The following GPHN variants were observed in gnomAD, a reference collection of about 807,000 sequenced individuals.
GPHN encodes gephyrin.
A neutral mutation model predicts 95.5 loss-of-function variants in GPHN; 17 were observed. The observed-to-expected ratio is 0.18, with a 90% CI of 0.12 to 0.27. GPHN has a LOEUF of 0.27. Among genes scored for constraint, GPHN ranks in the 10% least tolerant of loss-of-function variants. The pLI is 1.00. For synonymous variants in GPHN, 320 were observed against 322.5 expected, an observed-to-expected ratio of 0.99 and a Z score of 0.08; for missense variants, 660 against 978.1, an observed-to-expected ratio of 0.67 and a Z score of 4.34.
the GPHN span, among the ~76,000 whole-genome samples, chr14:67,436,647 C>T: frequency 6.6e-6 from 1 of 152,330 alleles, no homozygotes. Flanking sequence ...CACGCCCAGT[C>T]CTTCCACAAG....
intron 1 of GPHN, among the ~76,000 whole-genome samples, chr14:66,515,797 A>G (rs2045419): frequency 0.34 from 51,968 of 152,098 alleles, 13,414 homozygotes; most frequent in African/African-American, 0.7. Flanking sequence ...TGCTAAGTGA[A>G]GGATACAATA....
chr14:66,756,474 C>T (rs1311543382), intron 2 of GPHN, among the ~76,000 whole-genome samples: 1 of 152,058 alleles, frequency 6.6e-6, no homozygotes, highest in East Asian at 1.9e-4. Flanking sequence ...CGAGCATCCT[C>T]TGCATTTTGT....
the GPHN span, chr14:67,690,476 G>GGCCTGCTCACCACGAC: frequency 6.7e-7 from 1 of 1,498,350 alleles, no homozygotes; most frequent in African/African-American, 1.4e-5. Context: ...AATGACAGGA[G>GGCCTGCTCACCACGAC]TCGTGGTGAG....
the GPHN span, among the ~76,000 whole-genome samples, chr14:67,436,538 A>G: frequency 6.6e-6 from 1 of 152,066 alleles, no homozygotes. Flanking sequence ...TTCCATATGG[A>G]GACCAGGCAG....
intron 11 of GPHN, among the ~76,000 whole-genome samples, chr14:67,065,017 A>G (rs112035648): frequency 0.027 from 4,128 of 151,860 alleles, 61 homozygotes; most frequent in Middle Eastern, 0.034. Context: ...TCTTTTAATT[A>G]TGATGTTAGG....
At chr14:66,823,106 A>T (rs1381622724) in intron 3 of GPHN, 3 of 152,296 alleles carry the variant, frequency 2.0e-5, no homozygotes, top group African/African-American at 7.2e-5. Flanking sequence ...GGTTCAAGTG[A>T]TTCTCTTGCC....
chr14:66,793,376 G>A (rs1263252079), intron 3 of GPHN, among the ~76,000 whole-genome samples: 1 of 152,178 alleles, frequency 6.6e-6, no homozygotes, highest in Non-Finnish European at 1.5e-5. Flanking sequence ...ATTGCAGTAA[G>A]TACATAACAC....
chr14:67,424,526 A>C, the GPHN span, among the ~76,000 whole-genome samples: 21 of 151,026 alleles, frequency 1.4e-4, no homozygotes, highest in African/African-American at 4.4e-4. Context: ...TTGAGCCTGG[A>C]AAGTTGAAGC....
the GPHN span, among the ~76,000 whole-genome samples, chr14:67,225,962 T>TGTGC: frequency 0.054 from 6,146 of 113,220 alleles, 193 homozygotes; most frequent in Non-Finnish European, 0.068. Context: ...TGTGTGTGTG[T>TGTGC]GCGCGCGCGC....
the GPHN span, chr14:67,562,326 C>T: frequency 1.2e-6 from 2 of 1,613,952 alleles, no homozygotes; most frequent in Non-Finnish European, 1.7e-6. Flanking sequence ...GTTTCTGAAG[C>T]AGCAAGCCCC....
intron 1 of GPHN, among the ~76,000 whole-genome samples, chr14:66,619,868 C>G (rs1189843436): frequency 6.6e-6 from 1 of 152,098 alleles, no homozygotes; most frequent in Non-Finnish European, 1.5e-5. Flanking sequence ...ACTTATAGTT[C>G]TAGCAGCTTT....
intron 1 of GPHN, among the ~76,000 whole-genome samples, chr14:66,634,686 A>G (rs1595346464): frequency 6.6e-6 from 1 of 152,040 alleles, no homozygotes; most frequent in Non-Finnish European, 1.5e-5. Context: ...TGTGTTGGTG[A>G]CTGGCCAGTC....
At chr14:67,674,297 T>C in the GPHN span, 1 of 1,355,822 alleles carries the variant, frequency 7.4e-7, no homozygotes, top group Non-Finnish European at 9.9e-7. Flanking sequence ...GGCCCGGGTC[T>C]GGGAGGAAGG....
intron 1 of GPHN, among the ~76,000 whole-genome samples, chr14:66,532,383 A>G (rs1023032710): frequency 6.6e-6 from 1 of 152,170 alleles, no homozygotes; most frequent in Non-Finnish European, 1.5e-5. Flanking sequence ...TATAAGAAGT[A>G]TTCTAAGAGC....
intron 18 of GPHN, 65 bp from the exon 19 acceptor site, chr14:67,159,350 T>G: frequency 2.2e-6 from 2 of 914,242 alleles, no homozygotes; most frequent in East Asian, 4.8e-5. Flanking sequence ...TAATGTTCAT[T>G]TAAAGTGTTG....
chr14:67,199,859 C>T, the GPHN span: 8 of 1,492,496 alleles, frequency 5.4e-6, no homozygotes, highest in South Asian at 1.3e-5. Context: ...CCACCTATGC[C>T]TCCTGGGGCT....
chr14:67,425,991 T>C, the GPHN span, among the ~76,000 whole-genome samples: 128 of 151,926 alleles, frequency 8.4e-4, 1 homozygote, highest in Non-Finnish European at 4.4e-5. Context: ...GTGATCCTCC[T>C]GCCTCAGCCT....
chr14:67,279,456 A>G, the GPHN span: 3 of 1,613,004 alleles, frequency 1.9e-6, no homozygotes, highest in East Asian at 4.5e-5. Context: ...AATTCCTCCA[A>G]AGACCGGAAT....
chr14:67,163,433 A>T (rs372011397), intron 19 of GPHN, among the ~76,000 whole-genome samples: 2 of 152,310 alleles, frequency 1.3e-5, no homozygotes, highest in East Asian at 1.9e-4. Context: ...GGTCAAGATG[A>T]TAGCAATCTC....
Sources: allele counts gnomAD v4.1 joint callset (sites outside exome capture counted in the v4.1 genomes callset), GRCh38; gene constraint gnomAD v4.1.1; transcripts MANE v1.5; gene names NCBI Gene and HGNC (gene_info 2026-07-23, HGNC 2026-07-21).